Variants in WDR3 observed in about 807,000 individuals in gnomAD.
WDR3 encodes the protein WD repeat-containing protein 3.
Under a neutral mutation model 123.7 loss-of-function variants are expected in WDR3, and 81 were observed. That is an observed-to-expected ratio of 0.65 (90% CI 0.55 to 0.79). WDR3 has a LOEUF of 0.79. Among genes scored for constraint, WDR3 ranks in the 30% least tolerant of loss-of-function variants. WDR3 has a pLI of 0.00. For missense variants in WDR3, 1,027 were observed against 1,123.2 expected (o/e 0.91, Z 1.22); for synonymous variants, 390 against 388.8 (o/e 1.00, Z -0.04).
chr1:117,934,880 A>C (rs977971179), intron 3 of WDR3, among the ~76,000 whole-genome samples, 198 bp downstream of exon 3: 1 of 152,208 alleles, frequency 6.6e-6, no homozygotes, highest in Non-Finnish European at 1.5e-5. Context: ...ATATTTTCTG[A>C]TAAAAGCCTC....
rs1324459970 is a variant in WDR3, at chr1:117,964,152, A to C, written c.*4705A>C. 2.6e-5 allele frequency: 11 copies of C among 426,298 alleles called. No individual in the cohort carries two copies. Among genetic ancestry groups the C allele is most frequent in the Non-Finnish European group, 3.0e-5 (7 of 236,122 alleles). The allele number at this position is 426,298 out of a possible 1,614,324, so 26.4% of individuals were successfully genotyped here. On this transcript the variant is annotated 3_prime_UTR_variant, in exon 27 of 27. Coordinates refer to ENST00000349139, the MANE Select transcript of WDR3 (RefSeq NM_006784.3). Reference sequence around the variant, plus strand: ...ATGTCTTCTGTTCTCCCTAGTGTACATTTCTCTCCTAACTGTGACTGGCTT... The same window carrying C: ...ATGTCTTCTGTTCTCCCTAGTGTACCTTTCTCTCCTAACTGTGACTGGCTT...
At chr1:117,932,599 G>A (rs1650773576) in intron 1 of WDR3, among the ~76,000 whole-genome samples, 1 of 152,126 alleles carries the variant, frequency 6.6e-6, no homozygotes, top group African/African-American at 2.4e-5. Flanking sequence ...TGTCTAATTG[G>A]TAGGTTTTCA....
intron 11 of WDR3, 137 bp from the exon 12 acceptor site, chr1:117,945,949 G>A (rs926395795): frequency 1.3e-5 from 6 of 472,938 alleles, no homozygotes; most frequent in African/African-American, 2.0e-5. Flanking sequence ...CTATAATTGT[G>A]TGTGAGTCAA....
intron 18 of WDR3, 21 bp from the exon 19 acceptor site, chr1:117,952,507 T>C (rs777519544): frequency 6.3e-7 from 1 of 1,598,206 alleles, no homozygotes; most frequent in East Asian, 2.2e-5. Flanking sequence ...AGGTATTCTT[T>C]ATTTTTTTTT....
chr1:117,951,066 T>C (rs941048654), intron 16 of WDR3, among the ~76,000 whole-genome samples, 176 bp downstream of exon 16: 1 of 152,036 alleles, frequency 6.6e-6, no homozygotes, highest in Non-Finnish European at 1.5e-5. Context: ...TATATTACTT[T>C]AATGTTTTCA....
intron 1 of WDR3, among the ~76,000 whole-genome samples, chr1:117,932,004 AAGAAACAGCTCCTC>A (rs1416044958): frequency 5.3e-5 from 8 of 152,218 alleles, no homozygotes; most frequent in Non-Finnish European, 2.9e-5. Flanking sequence ...CAATAGCAAA[AAGAAACAGCTCCTC>A]ATAAAAGACT....
chr1:117,955,186 C>G, intron 23 of WDR3, 129 bp from the exon 24 acceptor site: 1 of 704,970 alleles, frequency 1.4e-6, no homozygotes, highest in Non-Finnish European at 2.3e-6. Context: ...TCATGCAGAT[C>G]TTGCCATTTT....
chr1:117,934,413 G>T, intron 2 of WDR3, 60 bp from the exon 3 acceptor site: 1 of 1,542,200 alleles, frequency 6.5e-7, no homozygotes, highest in Non-Finnish European at 8.9e-7. Context: ...GTATTCCTAT[G>T]CTTTTCCCTT....
chr1:117,939,743 T>C (rs950400791), intron 6 of WDR3, among the ~76,000 whole-genome samples, 171 bp downstream of exon 6: 1 of 152,216 alleles, frequency 6.6e-6, no homozygotes, highest in African/African-American at 2.4e-5. Flanking sequence ...TCATTATCCT[T>C]ATTTATTTGA....
In WDR3 at chr1:117,962,398, A is replaced by G. The variant is rs1653219155; in HGVS notation, c.*2951A>G. 6.6e-6 allele frequency: 1 copy of G among 152,178 alleles called. No homozygotes were observed. Among genetic ancestry groups the G allele is most frequent in the Non-Finnish European group, 1.5e-5 (1 of 68,028 alleles). The allele number at this position is 152,178 out of a possible 1,614,324, so 9.4% of individuals were successfully genotyped here. On this transcript the variant is annotated 3_prime_UTR_variant, in exon 27 of 27. Transcript: ENST00000349139. ...GCTGTATATAATCCTTAATATAAAAACCATCTAATGACTAATATCTCTTGC... is the reference window on the plus strand; with the variant it reads ...GCTGTATATAATCCTTAATATAAAAGCCATCTAATGACTAATATCTCTTGC...
At chr1:117,933,736 T>C (rs1306930187) in intron 2 of WDR3, 9 of 514,238 alleles carry the variant, frequency 1.8e-5, no homozygotes, top group Non-Finnish European at 3.2e-5. Flanking sequence ...TTGGAATATT[T>C]ACAGGTCATT....
At chr1:117,950,333 C>G (rs1651565659) in intron 15 of WDR3, among the ~76,000 whole-genome samples, 1 of 152,046 alleles carries the variant, frequency 6.6e-6, no homozygotes, top group South Asian at 2.1e-4. Context: ...TTGTTTAAAG[C>G]AAGTTATATT....
chr1:117,961,147 G>C lies in WDR3; in HGVS notation c.*1700G>C, dbSNP rs1653034198. ...AAATACAAAAAACTAGCTGGGCGTG[G>C]TGGCAGGCGCTTGTAATCCCAGCTA... On this transcript the variant is annotated 3_prime_UTR_variant, in exon 27 of 27. Coordinates refer to ENST00000349139, the MANE Select transcript of WDR3 (RefSeq NM_006784.3). 1 of 152,222 alleles carries C rather than the reference G, an allele frequency of 6.6e-6. No individual in the cohort carries two copies. The highest frequency in any genetic ancestry group is 6.5e-5 in the Admixed American group (1 of 15,272). 9.4% of individuals were successfully genotyped at this position (152,222 alleles called of 1,614,324 possible).
intron 5 of WDR3, among the ~76,000 whole-genome samples, chr1:117,939,168 A>G (rs1406361082): frequency 6.6e-6 from 1 of 152,246 alleles, no homozygotes; most frequent in African/African-American, 2.4e-5. Context: ...GAAATAGAAG[A>G]CTTAAAATCA....
intron 25 of WDR3, among the ~76,000 whole-genome samples, chr1:117,957,672 A>C (rs1356491082): frequency 6.6e-6 from 1 of 152,194 alleles, no homozygotes; most frequent in Non-Finnish European, 1.5e-5. Flanking sequence ...AAACTTTATT[A>C]AAACATTATG....
Position 117,936,831 on chromosome 1 carries a change from C to T in WDR3, c.444C>T (p.His148=), listed in dbSNP as rs761116228. 6.2e-7 allele frequency: 1 copy of T among 1,613,392 alleles called. No homozygotes were observed. The highest frequency in any genetic ancestry group is 1.1e-5 in the South Asian group (1 of 91,018). ...GTGGTCTGTACCGTCTAAAGGGGCA[C>T]AAGGATGCCATCACACAAGCATTGT... ...NESGLYRLKG[H]KDAITQALFL... The change falls in exon 4 of 27, where the codon CAC becomes CAT. Residue 148 remains histidine (H), a synonymous_variant. Transcript: ENST00000349139.
In WDR3 at chr1:117,959,679, T is replaced by C. The variant is rs1052544940; in HGVS notation, c.*232T>C. On this transcript the variant is annotated 3_prime_UTR_variant, in exon 27 of 27. Transcript: ENST00000349139. Reference sequence around the variant, plus strand: ...TATTAGTTTAAAAATCTTTCTGTGCTCTCAAAGCTTGAGCCTTGCAGCTCA... The same window carrying C: ...TATTAGTTTAAAAATCTTTCTGTGCCCTCAAAGCTTGAGCCTTGCAGCTCA... The C allele has an allele frequency of 2.8e-6, 1 of 358,698 alleles. No individual in the cohort carries two copies. The highest frequency in any genetic ancestry group is 4.9e-6 in the Non-Finnish European group (1 of 203,388). The allele number at this position is 358,698 out of a possible 1,614,324, so 22.2% of individuals were successfully genotyped here.
At position 117,950,857 on chromosome 1, in the gene WDR3, C is replaced by A. The variant is rs762726702; in HGVS notation, c.1770C>A (p.His590Gln). Reference sequence around the variant, plus strand: ...AGTTTTTTCTGTCACTGTATGGACACAAACTGCCTGTTATATGCATGGACA... The same window carrying A: ...AGTTTTTTCTGTCACTGTATGGACAAAAACTGCCTGTTATATGCATGGACA... The part of the protein sequence containing the change: ...TLKFFLSLYG[H>Q]KLPVICMDIS... Residue 590 changes from histidine (H) to glutamine (Q), a missense_variant, in exon 16 of 27, where the codon CAC becomes CAA. By Grantham distance (24) the His-to-Gln change is conservative. Coordinates refer to ENST00000349139, the MANE Select transcript of WDR3 (RefSeq NM_006784.3). 6.8e-6 allele frequency: 11 copies of A among 1,609,056 alleles called. No individual in the cohort carries two copies. Among genetic ancestry groups the A allele is most frequent in the Non-Finnish European group, 9.3e-6 (11 of 1,178,610 alleles).
intron 20 of WDR3, 120 bp from the exon 21 acceptor site, chr1:117,953,356 A>G: frequency 3.1e-6 from 3 of 958,250 alleles, no homozygotes; most frequent in African/African-American, 1.7e-5. Flanking sequence ...GTAGCTGATA[A>G]CACTGTTAGT....
Sources: allele counts gnomAD v4.1 joint callset (sites outside exome capture counted in the v4.1 genomes callset), GRCh38; gene constraint gnomAD v4.1.1; transcripts MANE v1.5; gene names NCBI Gene and HGNC (gene_info 2026-07-23, HGNC 2026-07-21).